The following LDB2 variants were observed in gnomAD, a reference collection of about 807,000 sequenced individuals.
LDB2 encodes LIM domain binding 2.
A neutral mutation model predicts 44.3 loss-of-function variants in LDB2; 12 were observed. The observed-to-expected ratio is 0.27, with a 90% confidence interval of 0.17 to 0.44. The LOEUF is 0.44. LDB2 is among the 20% of genes least tolerant of loss of function. The pLI is 1.00. For missense variants in LDB2, 344 were observed against 473.5 expected (o/e 0.73, Z 2.54); for synonymous variants, 164 against 174.8 (o/e 0.94, Z 0.49).
At chr4:16,565,972 A>G (rs915681048) in intron 5 of LDB2, among the ~76,000 whole-genome samples, 1 of 152,098 alleles carries the variant, frequency 6.6e-6, no homozygotes, top group African/African-American at 2.4e-5. Flanking sequence ...ATCTATACAT[A>G]CACACATATA....
chr4:16,710,260 C>T (rs989212051), intron 2 of LDB2, among the ~76,000 whole-genome samples: 1 of 152,194 alleles, frequency 6.6e-6, no homozygotes, highest in African/African-American at 2.4e-5. Context: ...ATATTTTGTT[C>T]TCCACATGTT....
chr4:16,561,653 T>G (rs11946244), intron 5 of LDB2, among the ~76,000 whole-genome samples: 1,980 of 152,200 alleles, frequency 0.013, 40 homozygotes, highest in African/African-American at 0.045. Context: ...CCAAGGTAGT[T>G]TATAGATTCA....
At chr4:16,674,363 G>A (rs893900833) in intron 2 of LDB2, 7 of 946,536 alleles carry the variant, frequency 7.4e-6, no homozygotes, top group Middle Eastern at 2.5e-4. Flanking sequence ...GCAAAGATAA[G>A]AGCAGTTGCC....
chr4:16,516,590 C>T (rs974871963), intron 5 of LDB2, among the ~76,000 whole-genome samples: 5 of 152,142 alleles, frequency 3.3e-5, no homozygotes, highest in African/African-American at 2.4e-5. Flanking sequence ...ACAAGGTAGA[C>T]GGTGGGGGTG....
chr4:16,791,087 T>C (rs1015391626), intron 1 of LDB2, among the ~76,000 whole-genome samples: 1 of 152,224 alleles, frequency 6.6e-6, no homozygotes. Flanking sequence ...CTTTCTCTAC[T>C]GATGCCCAAG....
At chr4:16,738,319 G>A (rs573739581) in intron 2 of LDB2, among the ~76,000 whole-genome samples, 3 of 152,128 alleles carry the variant, frequency 2.0e-5, no homozygotes, top group Non-Finnish European at 4.4e-5. Context: ...GCACAACTTT[G>A]TCACCCTGAG....
chr4:16,544,800 A>G (rs141577818), intron 5 of LDB2, among the ~76,000 whole-genome samples: 252 of 152,292 alleles, frequency 1.7e-3, no homozygotes, highest in African/African-American at 5.7e-3. Context: ...TTGAAGAGGC[A>G]GTTGGTTGTA....
intron 2 of LDB2, among the ~76,000 whole-genome samples, chr4:16,666,780 C>T (rs1356406832): frequency 6.6e-6 from 1 of 152,138 alleles, no homozygotes; most frequent in Admixed American, 6.5e-5. Flanking sequence ...GTGTGCCAGT[C>T]CAAAAGTGAC....
At chr4:16,570,719 T>C (rs552837035) in intron 5 of LDB2, among the ~76,000 whole-genome samples, 14 of 148,936 alleles carry the variant, frequency 9.4e-5, no homozygotes, top group Non-Finnish European at 1.9e-4. Flanking sequence ...ATCTGAATAA[T>C]AGGGAGCCAG....
In LDB2 at chr4:16,511,963, T is replaced by A; in HGVS notation, c.739+18A>T. 1 of 1,605,904 alleles carries A rather than the reference T, an allele frequency of 6.2e-7. No homozygotes were observed. Among genetic ancestry groups the A allele is most frequent in the Non-Finnish European group, 8.5e-7 (1 of 1,175,944 alleles). ...TCTGAAAACGTGTTTAGAGAGAGAGTGAAGAATGAGGGTGTACCTGGCGGA... is the reference window on the plus strand; with the variant it reads ...TCTGAAAACGTGTTTAGAGAGAGAGAGAAGAATGAGGGTGTACCTGGCGGA... On this transcript the variant is annotated intron_variant, in intron 6 of 7. Coordinates refer to ENST00000304523, the MANE Select transcript of LDB2 (RefSeq NM_001290.5).
intron 3 of LDB2, among the ~76,000 whole-genome samples, chr4:16,592,168 G>A (rs186888122): frequency 5.3e-5 from 8 of 152,160 alleles, no homozygotes; most frequent in African/African-American, 1.9e-4. Context: ...CCAGGAACAA[G>A]AAAACTAAAA....
intron 2 of LDB2, among the ~76,000 whole-genome samples, chr4:16,705,875 T>A (rs936220714): frequency 6.6e-6 from 1 of 152,192 alleles, no homozygotes. Flanking sequence ...GATATAAATT[T>A]AAGATAAAGA....
chr4:16,792,217 T>A (rs1457734977), intron 1 of LDB2, among the ~76,000 whole-genome samples: 1 of 152,216 alleles, frequency 6.6e-6, no homozygotes, highest in African/African-American at 2.4e-5. Flanking sequence ...GAATATGAGC[T>A]CTCTATCCTT....
intron 1 of LDB2, among the ~76,000 whole-genome samples, chr4:16,844,613 A>T (rs1786588911): frequency 6.6e-6 from 1 of 152,208 alleles, no homozygotes. Flanking sequence ...AATGTTAAGA[A>T]ATCAAATTGA....
At chr4:16,893,320 A>T (rs2110534380) in intron 1 of LDB2, among the ~76,000 whole-genome samples, 1 of 151,992 alleles carries the variant, frequency 6.6e-6, no homozygotes, top group African/African-American at 2.4e-5. Context: ...GGGGGGAGAA[A>T]CCTCCAAGTT....
intron 1 of LDB2, among the ~76,000 whole-genome samples, chr4:16,761,504 C>T (rs544478118): frequency 5.9e-5 from 9 of 152,260 alleles, no homozygotes; most frequent in East Asian, 1.9e-4. Context: ...CACATCATGG[C>T]GGAATTCAGT....
At chr4:16,528,071 G>T (rs1728857842) in intron 5 of LDB2, among the ~76,000 whole-genome samples, 1 of 152,116 alleles carries the variant, frequency 6.6e-6, no homozygotes, top group South Asian at 2.1e-4. Context: ...ACCTGGATGG[G>T]ACTGGAGGCT....
chr4:16,792,387 C>A (rs1775953567), intron 1 of LDB2, among the ~76,000 whole-genome samples: 1 of 152,200 alleles, frequency 6.6e-6, no homozygotes, highest in Non-Finnish European at 1.5e-5. Context: ...TCTTTAATTA[C>A]CTGTGCTTTA....
chr4:16,863,656 C>CTTTTTTTTTTT (rs143950913), intron 1 of LDB2, among the ~76,000 whole-genome samples: 1 of 91,926 alleles, frequency 1.1e-5, no homozygotes, highest in East Asian at 3.9e-4. Context: ...CTCACATTCT[C>CTTTTTTTTTTT]TTTTTTTTTT....
Sources: allele counts gnomAD v4.1 joint callset (sites outside exome capture counted in the v4.1 genomes callset), GRCh38; gene constraint gnomAD v4.1.1; transcripts MANE v1.5; gene names NCBI Gene and HGNC (gene_info 2026-07-23, HGNC 2026-07-21).